LSM1: variants seen among roughly 807,000 people sequenced by gnomAD.
LSM1 encodes the protein LSM1 homolog, mRNA degradation associated.
Under a neutral mutation model 18.0 loss-of-function variants are expected in LSM1, and 13 were observed. The ratio of observed to expected loss-of-function variants is 0.72; its 90% confidence interval spans 0.47 to 1.15. LSM1 has a LOEUF of 1.15. Ranked by LOEUF, LSM1 falls within the 50% of genes most tolerant of loss-of-function variation. The probability of loss-of-function intolerance (pLI) is 0.00; values close to 1 mark genes in which losing one functional copy is unlikely to be tolerated. For synonymous variants in LSM1, 46 were observed against 56.0 expected (o/e 0.82, Z 0.80); for missense variants, 152 against 157.7 (o/e 0.96, Z 0.19).
intron 3 of LSM1, among the ~76,000 whole-genome samples, chr8:38,164,467 C>T (rs1563273348): frequency 6.6e-6 from 1 of 151,592 alleles, no homozygotes; most frequent in Non-Finnish European, 1.5e-5. Context: ...ATCTCCCCCA[C>T]TGCAGAGAAT....
chr8:38,176,466 C>CG lies in LSM1; in HGVS notation c.-147dup. 1.5e-6 allele frequency: 1 copy of CG among 651,504 alleles called. No homozygotes were observed. Among genetic ancestry groups the CG allele is most frequent in the Non-Finnish European group, 2.7e-6 (1 of 375,098 alleles). 40.4% of individuals were successfully genotyped at this position (651,504 alleles called of 1,614,324 possible). A position where few individuals can be genotyped will look rare whatever the true frequency, so the allele number is the denominator to read the frequency against. ...CACTTCTGCCCCGGCTTTCAGCCGC[C>CG]GGGGGCTGCCGGAAGCTCCTCCATA... On this transcript the variant is annotated 5_prime_UTR_variant, in exon 1 of 4. It removes the in-frame stop codon of an upstream open reading frame in the 5' UTR. Coordinates refer to ENST00000311351, the MANE Select transcript of LSM1 (RefSeq NM_014462.3).
intron 3 of LSM1, among the ~76,000 whole-genome samples, chr8:38,167,762 G>A (rs955084220): frequency 5.9e-5 from 9 of 152,038 alleles, no homozygotes; most frequent in Non-Finnish European, 1.3e-4. Context: ...CCTATATACT[G>A]GCAGTATCAA....
At chr8:38,171,733 C>T (rs1317935907) in intron 2 of LSM1, among the ~76,000 whole-genome samples, 1 of 152,196 alleles carries the variant, frequency 6.6e-6, no homozygotes, top group Non-Finnish European at 1.5e-5. Flanking sequence ...TTGGCTCCCC[C>T]TACTGGGGAT....
chr8:38,165,165 A>G (rs755562902), intron 3 of LSM1, among the ~76,000 whole-genome samples: 1 of 128,428 alleles, frequency 7.8e-6, no homozygotes, highest in Non-Finnish European at 1.6e-5. Flanking sequence ...CCTGGCCAAC[A>G]TGGCAAAACC....
At chr8:38,168,622 A>G (rs545608958) in intron 3 of LSM1, among the ~76,000 whole-genome samples, 271 of 151,416 alleles carry the variant, frequency 1.8e-3, no homozygotes, top group African/African-American at 5.8e-3. Context: ...AAAACAAAAA[A>G]CAATTTCTGC....
rs1250131296 is a variant in LSM1 at position 38,163,467 on chromosome 8, T to C, written c.*203A>G. ...TGATGTGTGAAGGAGTCTATGCCAC[T>C]GTTTCTTTAAACAGTGATTTTGTTA... On this transcript the variant is annotated 3_prime_UTR_variant, in exon 4 of 4. Coordinates refer to ENST00000311351, the MANE Select transcript of LSM1 (RefSeq NM_014462.3). 5 of 507,510 alleles carry C rather than the reference T, an allele frequency of 9.9e-6. No homozygotes were observed. Among genetic ancestry groups the C allele is most frequent in the Non-Finnish European group, 1.4e-5 (4 of 287,044 alleles). The allele number at this position is 507,510 out of a possible 1,614,324, so 31.4% of individuals were successfully genotyped here.
Position 38,165,032 on chromosome 8 carries a change from A to G in LSM1, c.232-1192T>C, listed in dbSNP as rs534160143. Among the ~76,000 whole-genome samples the G allele has an allele frequency of 2.0e-4, 30 of 152,208 alleles. No homozygotes were observed. In the South Asian group the frequency reaches 2.1e-3, roughly 11 times the overall value. ...AGGTTACTAAACCAATTTGGTCCCA[A>G]TATTTTTCTCCACTATTTAAAAAAT... On this transcript the variant is annotated intron_variant, in intron 3 of 3. Coordinates refer to ENST00000311351, the MANE Select transcript of LSM1 (RefSeq NM_014462.3).
chr8:38,164,779 T>C (rs1253383412), intron 3 of LSM1, among the ~76,000 whole-genome samples: 1 of 151,934 alleles, frequency 6.6e-6, no homozygotes, highest in Non-Finnish European at 1.5e-5. Context: ...AAGGCTGCAG[T>C]GAGCCATGAA....
In LSM1 at chr8:38,163,802, T is replaced by C; in HGVS notation, c.270A>G (p.Val90=). 4 of 1,614,196 alleles carry C rather than the reference T, an allele frequency of 2.5e-6. No homozygotes were observed. The highest frequency in any genetic ancestry group is 3.4e-6 in the Non-Finnish European group (4 of 1,180,040). The change falls in exon 4 of 4, where the codon GTA becomes GTG. Residue 90 remains valine (V), a synonymous_variant. Coordinates refer to ENST00000311351, the MANE Select transcript of LSM1 (RefSeq NM_014462.3). ...EKESDTPLQQ[V]SIEEILEEQR... is the part of the protein sequence containing the mutation. ...GTTCTTCTAGAATTTCTTCAATGGA[T>C]ACTTGCTGGAGGGGTGTGTCACTCT... is the stretch of plus-strand genomic sequence containing the variant.
intron 1 of LSM1, among the ~76,000 whole-genome samples, chr8:38,173,888 A>G (rs1208220227): frequency 2.0e-5 from 3 of 152,250 alleles, no homozygotes; most frequent in African/African-American, 4.8e-5. Context: ...GAAGTAGGCC[A>G]CATGTAATCC....
intron 1 of LSM1, chr8:38,175,837 A>G (rs1424253531): frequency 6.4e-6 from 1 of 157,114 alleles, no homozygotes; most frequent in Non-Finnish European, 1.4e-5. Flanking sequence ...ATTAAGTCCA[A>G]CTGCCGCTGT....
chr8:38,169,452 T>C (rs528848880), intron 3 of LSM1, among the ~76,000 whole-genome samples: 2 of 152,332 alleles, frequency 1.3e-5, no homozygotes, highest in South Asian at 4.1e-4. Context: ...GTACAGGCAA[T>C]ATGTACTTCC....
chr8:38,172,641 A>C (rs1803051488), intron 1 of LSM1, among the ~76,000 whole-genome samples: 1 of 152,166 alleles, frequency 6.6e-6, no homozygotes, highest in South Asian at 2.1e-4. Context: ...TATGTTTGAC[A>C]CTTAAACCAT....
At chr8:38,165,953 A>G (rs1383611951) in intron 3 of LSM1, 1 of 152,256 alleles carries the variant, frequency 6.6e-6, no homozygotes, top group African/African-American at 2.4e-5. Flanking sequence ...AATGTGGCAT[A>G]GTATGCTTAA....
At chr8:38,174,978 C>G (rs1270219471) in intron 1 of LSM1, among the ~76,000 whole-genome samples, 3 of 140,434 alleles carry the variant, frequency 2.1e-5, no homozygotes, top group Non-Finnish European at 4.6e-5. Context: ...GAGTCGAGAT[C>G]GCGCCACTGC....
At chr8:38,175,529 C>T (rs967912304) in intron 1 of LSM1, among the ~76,000 whole-genome samples, 15 of 152,288 alleles carry the variant, frequency 9.8e-5, no homozygotes, top group African/African-American at 3.6e-4. Flanking sequence ...GAATAATGCA[C>T]AGACGGAATT....
intron 3 of LSM1, among the ~76,000 whole-genome samples, chr8:38,167,216 T>A (rs1458108070): frequency 6.6e-6 from 1 of 152,184 alleles, no homozygotes; most frequent in Non-Finnish European, 1.5e-5. Context: ...CAATTAAACT[T>A]CAAGAACAAA....
chr8:38,176,083 T>C (rs765684165), intron 1 of LSM1, 192 bp downstream of exon 1: 233 of 498,216 alleles, frequency 4.7e-4, no homozygotes, highest in Non-Finnish European at 7.5e-4. Context: ...GGGGCAGAAG[T>C]AGCAGCAGGC....
chr8:38,175,588 GT>G (rs1803119596), intron 1 of LSM1, among the ~76,000 whole-genome samples: 1 of 151,846 alleles, frequency 6.6e-6, no homozygotes, highest in African/African-American at 2.4e-5. Context: ...TTTCGCTTTT[GT>G]ATAGGACTGA....
Sources: gnomAD v4.1 joint callset for allele counts (sites outside exome capture counted in the v4.1 genomes callset) on GRCh38, gnomAD v4.1.1 for gene constraint, MANE v1.5 for transcripts, NCBI Gene and HGNC (gene_info 2026-07-23, HGNC 2026-07-21) for gene names.